Variants in ERC2 observed in about 807,000 individuals in gnomAD.
ERC2 encodes ELKS/RAB6-interacting/CAST family member 2.
A neutral mutation model predicts 114.8 loss-of-function variants in ERC2; 42 were observed. The ratio of observed to expected loss-of-function variants is 0.37; its 90% CI spans 0.29 to 0.47. The LOEUF (loss-of-function observed/expected upper bound fraction) is 0.47, where lower values mean the gene tolerates loss of function less well. ERC2 is among the 20% of genes least tolerant of loss of function. The pLI, the probability that ERC2 is intolerant of heterozygous loss-of-function variation, is 0.99. For missense variants in ERC2, 939 were observed against 1,150.7 expected, an observed-to-expected ratio of 0.82 and a Z score of 2.66; for synonymous variants, 454 against 425.5, an observed-to-expected ratio of 1.07 and a Z score of -0.82.
At chr3:55,732,426 T>C (rs75031981) in intron 15 of ERC2, among the ~76,000 whole-genome samples, 2,929 of 152,248 alleles carry the variant, frequency 0.019, 92 homozygotes, top group African/African-American at 0.066. Flanking sequence ...CTTTGGACAC[T>C]GCCTTAGCAC....
In ERC2 at chr3:56,157,006, T is replaced by C. The variant is rs139105488; in HGVS notation, c.1150-7874A>G. ...ACACAAGCACTGTGCTAGGAAATTC[T>C]CATTTAATATTCCCCATAATCCTAT... On this transcript the variant is annotated intron_variant, in intron 4 of 17. Coordinates refer to ENST00000288221, the MANE Select transcript of ERC2 (RefSeq NM_015576.3). Among the ~76,000 whole-genome samples the C allele has an allele frequency of 1.7e-3, 262 of 152,330 alleles. 3 individuals carry two copies. The highest frequency in any genetic ancestry group is 6.1e-3 in the African/African-American group (255 of 41,580).
rs546676845 is a variant in ERC2 at position 55,542,607 on chromosome 3, G to T, written c.*40-31331C>A. 2.6e-4 allele frequency among the ~76,000 whole-genome samples: 39 copies of T among 152,106 alleles called. 2 individuals are homozygous for T. In the South Asian group the frequency reaches 7.5e-3, roughly 29 times the overall value. The stretch of plus-strand genomic sequence containing the variant: ...CTTACTCTGGCAGTGAAATATCTGA[G>T]AACAGAAAAAAGGAATATGAAAAGA... On this transcript the variant is annotated intron_variant, in intron 17 of 17. Coordinates refer to ENST00000288221, the MANE Select transcript of ERC2 (RefSeq NM_015576.3).
At chr3:55,939,582 C>A (rs2066653335) in intron 13 of ERC2, among the ~76,000 whole-genome samples, 1 of 152,138 alleles carries the variant, frequency 6.6e-6, no homozygotes, top group Admixed American at 6.5e-5. Context: ...TATAGTATTC[C>A]ATAGAACCAT....
chr3:56,460,199 C>A (rs1213170424), intron 1 of ERC2, among the ~76,000 whole-genome samples: 1 of 152,216 alleles, frequency 6.6e-6, no homozygotes, highest in African/African-American at 2.4e-5. Flanking sequence ...GAAAGTGAGA[C>A]AGCTTAGAGC....
At chr3:56,264,471 C>T (rs2053156319) in intron 3 of ERC2, among the ~76,000 whole-genome samples, 1 of 152,014 alleles carries the variant, frequency 6.6e-6, no homozygotes, top group South Asian at 2.1e-4. Context: ...GTGGCGTGCA[C>T]CTGTAATCCC....
At chr3:55,658,055 C>T (rs2060954518) in intron 17 of ERC2, 1 of 152,158 alleles carries the variant, frequency 6.6e-6, no homozygotes, top group South Asian at 2.1e-4. Flanking sequence ...TTCTATTCAT[C>T]TGGCCTCAAA....
chr3:55,675,903 CTTTTTTTTTTTTTTTTT>C (rs869296098), intron 17 of ERC2, among the ~76,000 whole-genome samples: 80 of 48,002 alleles, frequency 1.7e-3, no homozygotes, highest in African/African-American at 6.6e-3. Flanking sequence ...TCTTTTCTTT[CTTTTTTTTTTTTTTTTT>C]TTTTTTTTTT....
At chr3:55,946,094 AT>A (rs2067109710) in intron 13 of ERC2, among the ~76,000 whole-genome samples, 1 of 151,820 alleles carries the variant, frequency 6.6e-6, no homozygotes, top group African/African-American at 2.4e-5. Context: ...AAATAAAAAA[AT>A]AAAAAAAAAA....
intron 2 of ERC2, 31 bp from the exon 3 acceptor site, chr3:56,296,466 G>A (rs1378465727): frequency 1.3e-5 from 21 of 1,562,422 alleles, no homozygotes; most frequent in Admixed American, 9.8e-5. Flanking sequence ...CGGGAGAGGA[G>A]AAAGAAGGAA....
At position 56,302,713 on chromosome 3, in the gene ERC2, C is replaced by A. The variant is rs558247696; in HGVS notation, c.658-6278G>T. Among the ~76,000 whole-genome samples the A allele has an allele frequency of 2.6e-5, 4 of 152,354 alleles. No individual in the cohort carries two copies. In the South Asian group the frequency reaches 8.3e-4, roughly 32 times the overall value. ...GGCATTCATTTCATCTTGTTACCTA[C>A]AGCAAGTACCTACAAACCAGAATTT... On this transcript the variant is annotated intron_variant, in intron 2 of 17. Transcript: ENST00000288221.
At chr3:55,838,049 C>T (rs931390136) in intron 14 of ERC2, among the ~76,000 whole-genome samples, 2 of 151,294 alleles carry the variant, frequency 1.3e-5, no homozygotes, top group African/African-American at 4.9e-5. Context: ...CATTTATGTA[C>T]TTAATAATAG....
At chr3:55,679,781 C>T (rs181998552) in intron 17 of ERC2, among the ~76,000 whole-genome samples, 425 of 152,320 alleles carry the variant, frequency 2.8e-3, no homozygotes, top group Non-Finnish European at 4.4e-3. Context: ...TAGAAACCAC[C>T]ACTTTGTATA....
At chr3:56,317,738 A>G (rs771620452) in intron 2 of ERC2, among the ~76,000 whole-genome samples, 2 of 152,200 alleles carry the variant, frequency 1.3e-5, no homozygotes, top group Non-Finnish European at 2.9e-5. Context: ...TAATAAGAGG[A>G]GGTAACCAAG....
chr3:55,749,887 C>G (rs1219846728), intron 14 of ERC2, among the ~76,000 whole-genome samples: 2 of 152,156 alleles, frequency 1.3e-5, no homozygotes, highest in South Asian at 2.1e-4. Context: ...CGACTTCATT[C>G]TTGAAGTCGG....
intron 17 of ERC2, among the ~76,000 whole-genome samples, chr3:55,575,748 C>G (rs1208329990): frequency 6.6e-6 from 1 of 152,164 alleles, no homozygotes; most frequent in African/African-American, 2.4e-5. Flanking sequence ...CCAAGGGCAC[C>G]AAATTTACCC....
chr3:56,340,007 T>C (rs1030101894), intron 2 of ERC2, among the ~76,000 whole-genome samples: 1 of 152,170 alleles, frequency 6.6e-6, no homozygotes, highest in African/African-American at 2.4e-5. Flanking sequence ...CCCCAAGATA[T>C]TGATAAAAGT....
intron 2 of ERC2, among the ~76,000 whole-genome samples, chr3:56,390,514 G>A (rs2060090667): frequency 6.6e-6 from 1 of 152,194 alleles, no homozygotes; most frequent in Admixed American, 6.5e-5. Flanking sequence ...GGGTTTAGGA[G>A]GATTCTAAAG....
At chr3:56,193,527 T>C (rs1253547936) in intron 3 of ERC2, among the ~76,000 whole-genome samples, 1 of 151,580 alleles carries the variant, frequency 6.6e-6, no homozygotes, top group African/African-American at 2.4e-5. Flanking sequence ...AAAATCAAAA[T>C]GTTACCAGAA....
intron 6 of ERC2, among the ~76,000 whole-genome samples, chr3:56,089,329 T>C (rs576742408): frequency 6.6e-6 from 1 of 152,288 alleles, no homozygotes; most frequent in African/African-American, 2.4e-5. Flanking sequence ...ATCTGTGCAG[T>C]GGCTAGAAAT....
Sources: gnomAD v4.1 joint callset for allele counts (sites outside exome capture counted in the v4.1 genomes callset) on GRCh38, gnomAD v4.1.1 for gene constraint, MANE v1.5 for transcripts, NCBI Gene and HGNC (gene_info 2026-07-23, HGNC 2026-07-21) for gene names.